The following PDE1C variants were observed in gnomAD, a reference collection of about 807,000 sequenced individuals.
PDE1C encodes phosphodiesterase 1C.
A neutral mutation model predicts 93.1 loss-of-function variants in PDE1C; 62 were observed. The observed-to-expected ratio is 0.67, with a 90% confidence interval of 0.54 to 0.82. The LOEUF (loss-of-function observed/expected upper bound fraction) is 0.82, where lower values mean the gene tolerates loss of function less well. PDE1C is among the 40% of genes least tolerant of loss of function. PDE1C has a pLI of 0.00. For synonymous variants in PDE1C, 325 were observed against 310.1 expected (o/e 1.05, Z -0.50); for missense variants, 742 against 884.6 (o/e 0.84, Z 2.04).
intron 2 of PDE1C, among the ~76,000 whole-genome samples, chr7:32,172,705 C>A (rs757701565): frequency 5.3e-5 from 8 of 151,760 alleles, no homozygotes; most frequent in Non-Finnish European, 1.2e-4. Flanking sequence ...GGCTGTAATC[C>A]CAGCTACTTG....
chr7:32,425,954 A>C (rs1785522043), intron 1 of PDE1C, among the ~76,000 whole-genome samples: 1 of 151,978 alleles, frequency 6.6e-6, no homozygotes, highest in Non-Finnish European at 1.5e-5. Context: ...AAAAAAAAGA[A>C]AGAGGAAGGA....
chr7:32,288,127 G>T (rs184558539), intron 1 of PDE1C, among the ~76,000 whole-genome samples: 2 of 152,130 alleles, frequency 1.3e-5, no homozygotes, highest in Admixed American at 6.5e-5. Flanking sequence ...GCACTCCAGC[G>T]TGGGCAACAG....
At chr7:31,721,159 G>A in the PDE1C span, among the ~76,000 whole-genome samples, 107 of 152,294 alleles carry the variant, frequency 7.0e-4, 1 homozygote, top group African/African-American at 2.2e-3. Context: ...AGCCCTTATT[G>A]AAAGGGGAAA....
At chr7:31,637,773 G>A in the PDE1C span, among the ~76,000 whole-genome samples, 4 of 152,148 alleles carry the variant, frequency 2.6e-5, no homozygotes, top group Non-Finnish European at 5.9e-5. Flanking sequence ...GGCTTTTGTT[G>A]CCATTGCTTT....
intron 2 of PDE1C, among the ~76,000 whole-genome samples, chr7:31,919,773 G>A (rs1256421625): frequency 6.6e-6 from 1 of 152,178 alleles, no homozygotes; most frequent in Non-Finnish European, 1.5e-5. Context: ...GGAAAATCCA[G>A]TCCACCTGTT....
In PDE1C at chr7:32,298,065, C is replaced by CTCTCTCTCTCCTCTCTCT. The variant is rs1562660556; in HGVS notation, c.85+585_85+586insAGAGAGAGGAGAGAGAGA. Among the ~76,000 whole-genome samples, 3 of 21,174 alleles carry CTCTCTCTCTCCTCTCTCT rather than the reference C, an allele frequency of 1.4e-4. 1 individual carries two copies. The highest frequency in any genetic ancestry group is 1.3e-3 in the Admixed American group (2 of 1,536). The allele number at this position is 21,174 out of a possible 152,430, so 13.9% of individuals were successfully genotyped here. ...CTCTCTCTCTCTCTCTCTCTCTCTC[C>CTCTCTCTCTCCTCTCTCT]CCTCTCTCTCTGAATTCCCCGGTCT... On this transcript the variant is annotated intron_variant, in intron 1 of 18. Transcript: ENST00000396193.
intron 3 of PDE1C, among the ~76,000 whole-genome samples, chr7:32,084,898 C>A (rs1385826611): frequency 6.8e-6 from 1 of 147,650 alleles, no homozygotes; most frequent in Non-Finnish European, 1.5e-5. Context: ...CAAGAGAAAG[C>A]AGGAAAGATC....
chr7:32,169,636 A>C (rs1802521268), intron 3 of PDE1C: 5 of 706,854 alleles, frequency 7.1e-6, no homozygotes, highest in Non-Finnish European at 1.2e-5. Context: ...TCCAGCTAGC[A>C]TTGATTCCAA....
At chr7:32,157,454 C>T (rs997465032) in intron 3 of PDE1C, among the ~76,000 whole-genome samples, 1 of 151,886 alleles carries the variant, frequency 6.6e-6, no homozygotes, top group East Asian at 1.9e-4. Context: ...AAAATATGTA[C>T]AACTATGTCA....
Position 31,766,200 on chromosome 7 carries a change from C to G in PDE1C, c.1960+9464G>C, listed in dbSNP as rs748614877. Among the ~76,000 whole-genome samples, 149 of 152,104 alleles carry G rather than the reference C, an allele frequency of 9.8e-4. 1 individual carries two copies. Among genetic ancestry groups the G allele is most frequent in the Admixed American group, 1.7e-3 (26 of 15,280 alleles). On this transcript the variant is annotated intron_variant, in intron 17 of 17. Transcript: ENST00000396191. ...GAGATCGAGACCATCCTGGCTAACA[C>G]AGTGAAACCCCGTCTCCACTAAAAA...
At chr7:32,375,742 G>A (rs1426372294) in intron 1 of PDE1C, among the ~76,000 whole-genome samples, 1 of 152,236 alleles carries the variant, frequency 6.6e-6, no homozygotes, top group African/African-American at 2.4e-5. Context: ...GCCTGGGCCA[G>A]TGACACAACT....
intron 2 of PDE1C, among the ~76,000 whole-genome samples, chr7:32,035,381 A>G (rs1790912500): frequency 6.6e-6 from 1 of 152,120 alleles, no homozygotes; most frequent in Admixed American, 6.5e-5. Context: ...AGTGCTCCTG[A>G]CCAAATTGGC....
intron 2 of PDE1C, among the ~76,000 whole-genome samples, chr7:31,967,770 G>A (rs184420996): frequency 0.075 from 11,361 of 152,116 alleles, 626 homozygotes; most frequent in Admixed American, 0.16. Context: ...ATGATCAAGT[G>A]GGCTTCATCC....
At chr7:32,327,550 C>T (rs974627674) in intron 1 of PDE1C, among the ~76,000 whole-genome samples, 1 of 152,046 alleles carries the variant, frequency 6.6e-6, no homozygotes, top group Non-Finnish European at 1.5e-5. Context: ...GGGTGGATCA[C>T]GAGATCAGGA....
chr7:31,804,203 G>T (rs1325639115), intron 16 of PDE1C, among the ~76,000 whole-genome samples: 1 of 151,796 alleles, frequency 6.6e-6, no homozygotes, highest in Non-Finnish European at 1.5e-5. Flanking sequence ...TTTATGTCTT[G>T]CTTTTAAGAT....
intron 3 of PDE1C, among the ~76,000 whole-genome samples, chr7:32,080,292 C>G (rs918778200): frequency 2.0e-5 from 3 of 152,134 alleles, no homozygotes; most frequent in African/African-American, 7.2e-5. Context: ...CCCTGTCCCC[C>G]TGACCTTCCC....
chr7:31,644,175 T>C, the PDE1C span, among the ~76,000 whole-genome samples: 1 of 152,232 alleles, frequency 6.6e-6, no homozygotes, highest in African/African-American at 2.4e-5. Flanking sequence ...GCAAAGCAAA[T>C]TTTATCATTA....
At chr7:31,620,746 C>A in the PDE1C span, among the ~76,000 whole-genome samples, 1 of 152,118 alleles carries the variant, frequency 6.6e-6, no homozygotes, top group African/African-American at 2.4e-5. Context: ...AGCAATGGAA[C>A]AAAGCTGGAT....
At chr7:32,188,949 T>A (rs1484023201) in intron 2 of PDE1C, among the ~76,000 whole-genome samples, 1 of 152,178 alleles carries the variant, frequency 6.6e-6, no homozygotes, top group Non-Finnish European at 1.5e-5. Flanking sequence ...TTCAAACAGC[T>A]AGTTATCACA....
Sources: gnomAD v4.1 joint callset for allele counts (sites outside exome capture counted in the v4.1 genomes callset) on GRCh38, gnomAD v4.1.1 for gene constraint, MANE v1.5 for transcripts, NCBI Gene and HGNC (gene_info 2026-07-23, HGNC 2026-07-21) for gene names.